Variants in STPG2 observed in about 807,000 individuals in gnomAD.
The protein encoded by STPG2 is sperm tail PG-rich repeat containing 2, also known as sperm-tail PG-rich repeat-containing protein 2.
Under a neutral mutation model 54.2 loss-of-function variants are expected in STPG2, and 56 were observed. The observed-to-expected ratio is 1.03, with a 90% CI of 0.83 to 1.29. STPG2 has a LOEUF of 1.29. Among genes scored for constraint, STPG2 ranks in the 50% most tolerant of loss-of-function variants. STPG2 has a pLI of 0.00. For missense variants in STPG2, 596 were observed against 544.9 expected, an observed-to-expected ratio of 1.09 and a Z score of -0.93; for synonymous variants, 200 against 181.8, an observed-to-expected ratio of 1.10 and a Z score of -0.81.
intron 5 of STPG2, among the ~76,000 whole-genome samples, chr4:98,076,482 A>G (rs1560668288): frequency 6.6e-6 from 1 of 152,216 alleles, no homozygotes; most frequent in Non-Finnish European, 1.5e-5. Context: ...AAGTAAGAAG[A>G]TAATCCTTAA....
chr4:97,984,890 CCAGTA>C (rs1201789880), intron 5 of STPG2, among the ~76,000 whole-genome samples: 1 of 152,138 alleles, frequency 6.6e-6, no homozygotes, highest in Non-Finnish European at 1.5e-5. Flanking sequence ...GTCTTGCAAG[CCAGTA>C]CAAATAAACA....
At chr4:97,690,192 A>G (rs1723322229) in intron 10 of STPG2, among the ~76,000 whole-genome samples, 1 of 152,186 alleles carries the variant, frequency 6.6e-6, no homozygotes, top group South Asian at 2.1e-4. Flanking sequence ...TTCTCAGTAA[A>G]TTAGAGTAAT....
At chr4:97,751,471 AG>A (rs1334314092) in intron 9 of STPG2, among the ~76,000 whole-genome samples, 1 of 151,836 alleles carries the variant, frequency 6.6e-6, no homozygotes, top group Non-Finnish European at 1.5e-5. Flanking sequence ...TGTACTCTTC[AG>A]AGTGAAATGA....
chr4:98,141,156 T>C lies in STPG2; in HGVS notation c.109+1886A>G, dbSNP rs150395591. 4.2e-3 allele frequency among the ~76,000 whole-genome samples: 644 copies of C among 152,300 alleles called. 7 individuals are homozygous for C. Among genetic ancestry groups the C allele is most frequent in the African/African-American group, 0.014 (601 of 41,562 alleles). On this transcript the variant is annotated intron_variant, in intron 1 of 10. Transcript: ENST00000295268. ...CAGATGGATTTTATTTAATCCTATATATAGTGGCTTACTTTCCAATCTGAC... is the reference window on the plus strand; with the variant it reads ...CAGATGGATTTTATTTAATCCTATACATAGTGGCTTACTTTCCAATCTGAC...
intron 9 of STPG2, among the ~76,000 whole-genome samples, chr4:97,765,135 G>A (rs1235786818): frequency 1.3e-5 from 2 of 152,124 alleles, no homozygotes; most frequent in African/African-American, 4.8e-5. Flanking sequence ...GCCATGATCA[G>A]TAACAGATAT....
chr4:98,136,139 G>T (rs1740128534), intron 1 of STPG2, among the ~76,000 whole-genome samples: 2 of 151,368 alleles, frequency 1.3e-5, no homozygotes, highest in African/African-American at 4.8e-5. Flanking sequence ...AGAAGATAAA[G>T]GGAAGATATA....
intron 9 of STPG2, among the ~76,000 whole-genome samples, chr4:97,762,355 T>A (rs1445853938): frequency 2.0e-5 from 3 of 152,192 alleles, no homozygotes; most frequent in Admixed American, 6.5e-5. Context: ...TAGTGACCAA[T>A]CTTTACGGGA....
intron 8 of STPG2, among the ~76,000 whole-genome samples, chr4:97,892,416 T>C (rs1470560404): frequency 1.3e-5 from 2 of 152,248 alleles, no homozygotes; most frequent in Middle Eastern, 3.4e-3. Flanking sequence ...TATTGCCAGA[T>C]AGTTACAAGT....
At chr4:97,561,186 T>A (rs1278813061) in intron 10 of STPG2, among the ~76,000 whole-genome samples, 2 of 151,982 alleles carry the variant, frequency 1.3e-5, no homozygotes, top group Non-Finnish European at 2.9e-5. Context: ...TTGATTTGCA[T>A]TTCTCTGATG....
intron 4 of STPG2, among the ~76,000 whole-genome samples, chr4:97,490,946 A>G (rs1225903631): frequency 6.6e-6 from 1 of 151,634 alleles, no homozygotes; most frequent in South Asian, 2.1e-4. Context: ...TTTAGTTAAT[A>G]TGACCTCAGT....
At chr4:97,782,173 T>C (rs1445696030) in intron 9 of STPG2, among the ~76,000 whole-genome samples, 1 of 152,106 alleles carries the variant, frequency 6.6e-6, no homozygotes, top group Non-Finnish European at 1.5e-5. Flanking sequence ...GATTGTATAT[T>C]TAGAAAAGCC....
chr4:97,991,520 C>A (rs557375368), intron 5 of STPG2, among the ~76,000 whole-genome samples: 1 of 150,998 alleles, frequency 6.6e-6, no homozygotes, highest in South Asian at 2.1e-4. Context: ...GGCATTTGGG[C>A]TCCTTCCATA....
chr4:97,859,353 G>C (rs544868250), intron 8 of STPG2, among the ~76,000 whole-genome samples: 2 of 151,928 alleles, frequency 1.3e-5, no homozygotes, highest in African/African-American at 4.8e-5. Flanking sequence ...CCACTCTGTG[G>C]GATGTACATT....
intron 5 of STPG2, among the ~76,000 whole-genome samples, chr4:98,093,573 G>A (rs1318633318): frequency 6.6e-6 from 1 of 152,094 alleles, no homozygotes; most frequent in Non-Finnish European, 1.5e-5. Context: ...GAAAAGCACC[G>A]TCACAAATAC....
At chr4:97,916,082 A>G (rs1731864457) in intron 8 of STPG2, among the ~76,000 whole-genome samples, 1 of 152,170 alleles carries the variant, frequency 6.6e-6, no homozygotes, top group Non-Finnish European at 1.5e-5. Flanking sequence ...CTGACAATAT[A>G]TCCTGATTTG....
chr4:97,559,764 T>G (rs1732176273), intron 10 of STPG2, among the ~76,000 whole-genome samples: 1 of 152,214 alleles, frequency 6.6e-6, no homozygotes, highest in African/African-American at 2.4e-5. Flanking sequence ...CTGCCTAAGT[T>G]ATCTTACCTG....
In STPG2 at chr4:97,972,418, C is replaced by T. The variant is rs1271912172; in HGVS notation, c.795G>A (p.Leu265=). The change falls in exon 7 of 11, where the codon TTG becomes TTA. Residue 265 remains leucine, a synonymous_variant. Transcript: ENST00000295268. ...TAACACTGGCAATTATAGTATTGTT[C>T]AAGACATTATAAAATCCAGGACCTA... ...EMPGPGFYNV[L]NNTIIASVRN... 2 of 1,564,832 alleles carry T rather than the reference C, an allele frequency of 1.3e-6. No individual in the cohort carries two copies. The highest frequency in any genetic ancestry group is 8.7e-7 in the Non-Finnish European group (1 of 1,154,438).
At chr4:98,060,854 T>A (rs1560660588) in intron 5 of STPG2, among the ~76,000 whole-genome samples, 1 of 152,198 alleles carries the variant, frequency 6.6e-6, no homozygotes, top group Non-Finnish European at 1.5e-5. Flanking sequence ...CTGAGATAAC[T>A]GGCTAGCCTT....
chr4:97,818,547 TA>T (rs34218233), intron 9 of STPG2, among the ~76,000 whole-genome samples: 3 of 151,592 alleles, frequency 2.0e-5, no homozygotes, highest in African/African-American at 4.8e-5. Context: ...GTGAAACCAT[TA>T]AAAAAAAGAA....
Sources: gnomAD v4.1 joint callset for allele counts (sites outside exome capture counted in the v4.1 genomes callset) on GRCh38, gnomAD v4.1.1 for gene constraint, MANE v1.5 for transcripts, NCBI Gene and HGNC (gene_info 2026-07-23, HGNC 2026-07-21) for gene names.